The following ALMS1 variants were observed in gnomAD, a reference collection of about 807,000 sequenced individuals.
ALMS1 encodes the protein ALMS1 centrosome and basal body associated protein.
ALMS1 carries 271 observed loss-of-function variants against 352.2 expected under a neutral mutation model. The observed-to-expected ratio is 0.77, with a 90% confidence interval of 0.70 to 0.85. The LOEUF is 0.85. Ranked by LOEUF, ALMS1 falls within the 40% of genes least tolerant of loss-of-function variation. ALMS1 has a pLI of 0.00. For missense variants in ALMS1, 5,445 were observed against 4,870.7 expected, an observed-to-expected ratio of 1.12 and a Z score of -3.51; for synonymous variants, 1,865 against 1,761.2, an observed-to-expected ratio of 1.06 and a Z score of -1.48.
chr2:73,429,709 C>G (rs1671463062), intron 6 of ALMS1, among the ~76,000 whole-genome samples: 2 of 152,168 alleles, frequency 1.3e-5, no homozygotes, highest in Non-Finnish European at 1.5e-5. Flanking sequence ...TTGCCTGTCT[C>G]TGTGTGGATG....
At chr2:73,446,475 A>G (rs549196303) in intron 7 of ALMS1, among the ~76,000 whole-genome samples, 1 of 152,088 alleles carries the variant, frequency 6.6e-6, no homozygotes, top group South Asian at 2.1e-4. Context: ...AAATTTTGTA[A>G]CTCATATTCC....
At position 73,386,203 on chromosome 2, in the gene ALMS1, C is replaced by A. The variant is rs886949774; in HGVS notation, c.324+11C>A. The A allele has an allele frequency of 6.6e-7, 1 of 1,523,298 alleles. No individual in the cohort carries two copies. The highest frequency in any genetic ancestry group is 8.8e-7 in the Non-Finnish European group (1 of 1,132,392). 94.4% of individuals were successfully genotyped at this position (1,523,298 alleles called of 1,614,324 possible). ...ACCTCCCTGGAGAAGGTGAGGCGGG[C>A]CGGGGAGGGGTGTGGAGCCGCGGCG... On this transcript the variant is annotated intron_variant, in intron 1 of 22. Coordinates refer to ENST00000613296, the MANE Select transcript of ALMS1 (RefSeq NM_001378454.1).
At chr2:73,456,904 T>C (rs951219656) in intron 9 of ALMS1, 1 of 152,244 alleles carries the variant, frequency 6.6e-6, no homozygotes, top group Admixed American at 6.5e-5. Context: ...TGCGTTCATA[T>C]TTCCAGATCC....
At chr2:73,605,843 CAAA>C (rs1170715468) in intron 21 of ALMS1, among the ~76,000 whole-genome samples, 2 of 119,878 alleles carry the variant, frequency 1.7e-5, no homozygotes, top group Non-Finnish European at 1.8e-5. Flanking sequence ...AACTCTGTCT[CAAA>C]AAAAAAAAAA....
chr2:73,449,117 G>A lies in ALMS1; in HGVS notation c.2590G>A (p.Gly864Arg). The change falls in exon 8 of 23, where the codon GGA becomes AGA. Residue 864 changes from glycine to arginine, a missense_variant. By Grantham distance (125) the Gly-to-Arg change is moderately radical. Transcript: ENST00000613296. Reference sequence around the variant, plus strand: ...TACTTCCTCTGCGTCCTCTTCACTTGGAGAAAAGCCCAGTGCTTTCTATCA... The same window carrying A: ...TACTTCCTCTGCGTCCTCTTCACTTAGAGAAAAGCCCAGTGCTTTCTATCA... ...TSTSSASSSL[G>R]EKPSAFYQQT... 1 of 1,613,866 alleles carries A rather than the reference G, an allele frequency of 6.2e-7. No individual in the cohort carries two copies. Among genetic ancestry groups the A allele is most frequent in the Non-Finnish European group, 8.5e-7 (1 of 1,179,926 alleles).
intron 7 of ALMS1, among the ~76,000 whole-genome samples, chr2:73,441,264 G>C (rs1218506549): frequency 6.6e-6 from 1 of 152,208 alleles, no homozygotes; most frequent in East Asian, 1.9e-4. Context: ...CTCAATGCTG[G>C]TGGACTTCCC....
At chr2:73,400,614 C>T (rs900808818) in intron 1 of ALMS1, among the ~76,000 whole-genome samples, 40 of 152,182 alleles carry the variant, frequency 2.6e-4, no homozygotes, top group African/African-American at 8.2e-4. Flanking sequence ...TTCAGTGTTT[C>T]GAATAGATAT....
intron 15 of ALMS1, among the ~76,000 whole-genome samples, chr2:73,571,945 C>T (rs983213263): frequency 3.9e-5 from 6 of 152,006 alleles, no homozygotes; most frequent in African/African-American, 1.4e-4. Flanking sequence ...GTCATAACAC[C>T]CTACACAGAA....
At chr2:73,471,493 C>CAAAAAAAAAA (rs58688820) in intron 9 of ALMS1, among the ~76,000 whole-genome samples, 1 of 113,634 alleles carries the variant, frequency 8.8e-6, no homozygotes, top group Non-Finnish European at 1.7e-5. Flanking sequence ...ACTCAACAGC[C>CAAAAAAAAAA]AAAAAAAAAA....
intron 1 of ALMS1, among the ~76,000 whole-genome samples, chr2:73,390,036 C>T (rs1199025737): frequency 1.3e-5 from 2 of 151,930 alleles, no homozygotes; most frequent in African/African-American, 4.8e-5. Flanking sequence ...TTCTGAGAGC[C>T]CAGAGTATTT....
chr2:73,473,381 A>G (rs1672507561), intron 9 of ALMS1, among the ~76,000 whole-genome samples: 1 of 152,128 alleles, frequency 6.6e-6, no homozygotes, highest in Admixed American at 6.6e-5. Flanking sequence ...AAAGAATGTA[A>G]GCTTTATGAA....
At chr2:73,438,589 C>T (rs1261226160) in intron 7 of ALMS1, among the ~76,000 whole-genome samples, 1 of 152,062 alleles carries the variant, frequency 6.6e-6, no homozygotes, top group African/African-American at 2.4e-5. Flanking sequence ...ATAGGAAATA[C>T]AAATTTGGAA....
At chr2:73,443,390 GC>G (rs1197683502) in intron 7 of ALMS1, among the ~76,000 whole-genome samples, 2 of 151,894 alleles carry the variant, frequency 1.3e-5, no homozygotes, top group African/African-American at 2.4e-5. Context: ...TTTTTTATAT[GC>G]CCATCTTTGC....
intron 6 of ALMS1, among the ~76,000 whole-genome samples, chr2:73,429,682 C>T (rs182673366): frequency 6.6e-6 from 1 of 152,174 alleles, no homozygotes; most frequent in Non-Finnish European, 1.5e-5. Context: ...CATATCCCCC[C>T]ACCTTTGGAG....
At position 73,491,474 on chromosome 2, in the gene ALMS1, AG is replaced by A; in HGVS notation, c.9519del (p.Thr3174ProfsTer12). 6.2e-7 allele frequency: 1 copy of A among 1,614,082 alleles called. No individual in the cohort carries two copies. Among genetic ancestry groups the A allele is most frequent in the Non-Finnish European group, 8.5e-7 (1 of 1,180,008 alleles). On this transcript the variant is annotated frameshift_variant, in exon 10 of 23. Transcript: ENST00000613296. LOFTEE classifies it high-confidence loss of function. ...ISDFEGHSNP[E>X]GTPVFADRLP... Reference sequence around the variant, plus strand: ...GATTTCGAAGGACATTCCAATCCAGAGGGGACCCCAGTATTTGCAGATCGGT... The same window carrying A: ...GATTTCGAAGGACATTCCAATCCAGAGGGACCCCAGTATTTGCAGATCGGT...
rs368409205 is a variant in ALMS1 at position 73,490,127 on chromosome 2, C to A, written c.8168C>A (p.Ser2723Tyr). ...ATCACTTTTTCATCTCACCGACATTCTAAATGCATTTCCAATTCCTCTGTT... is the reference window on the plus strand; with the variant it reads ...ATCACTTTTTCATCTCACCGACATTATAAATGCATTTCCAATTCCTCTGTT... Reference protein sequence around the residue: ...TSITFSSHRHSKCISNSSVVK... With the variant: ...TSITFSSHRHYKCISNSSVVK... The change falls in exon 10 of 23, where the codon TCT becomes TAT. Residue 2723 changes from serine to tyrosine, a missense_variant. Physicochemically the swap from Ser to Tyr is moderately radical, Grantham distance 144. Coordinates refer to ENST00000613296, the MANE Select transcript of ALMS1 (RefSeq NM_001378454.1). 5.1e-5 allele frequency: 82 copies of A among 1,614,070 alleles called. No individual in the cohort carries two copies. The highest frequency in any genetic ancestry group is 1.1e-4 in the African/African-American group (8 of 74,922).
At chr2:73,524,242 G>A (rs1429328298) in intron 11 of ALMS1, among the ~76,000 whole-genome samples, 1 of 152,026 alleles carries the variant, frequency 6.6e-6, no homozygotes, top group Non-Finnish European at 1.5e-5. Context: ...CTGTTCTTTT[G>A]AACTGTGTAA....
chr2:73,467,508 A>G (rs1672380551), intron 9 of ALMS1, among the ~76,000 whole-genome samples: 1 of 152,160 alleles, frequency 6.6e-6, no homozygotes, highest in Non-Finnish European at 1.5e-5. Context: ...GCTGATGGGA[A>G]GGTAAACTGG....
chr2:73,588,607 A>G (rs1032998356), intron 16 of ALMS1, among the ~76,000 whole-genome samples: 2 of 152,088 alleles, frequency 1.3e-5, no homozygotes, highest in African/African-American at 2.4e-5. Context: ...TACTATTGTC[A>G]GTACAAAAAG....
Sources: gnomAD v4.1 joint callset for allele counts (sites outside exome capture counted in the v4.1 genomes callset) on GRCh38, gnomAD v4.1.1 for gene constraint, MANE v1.5 for transcripts, NCBI Gene and HGNC (gene_info 2026-07-23, HGNC 2026-07-21) for gene names.